Variants in PCM1 observed in about 807,000 individuals in gnomAD.
The protein encoded by PCM1 is pericentriolar material 1.
PCM1 carries 157 observed loss-of-function variants against 241.9 expected under a neutral mutation model. That is an observed-to-expected ratio of 0.65 (90% CI 0.57 to 0.74). The LOEUF is 0.74. Ranked by LOEUF, PCM1 falls within the 30% of genes least tolerant of loss-of-function variation. The pLI, the probability that PCM1 is intolerant of heterozygous loss-of-function variation, is 0.00. For synonymous variants in PCM1, 1,085 were observed against 784.9 expected, an observed-to-expected ratio of 1.38 and a Z score of -6.39; for missense variants, 3,478 against 2,360.1, an observed-to-expected ratio of 1.47 and a Z score of -9.81.
intron 1 of PCM1, among the ~76,000 whole-genome samples, chr8:17,924,072 G>T (rs2055811506): frequency 6.6e-6 from 1 of 151,922 alleles, no homozygotes; most frequent in Non-Finnish European, 1.5e-5. Flanking sequence ...TTTGGGCGCT[G>T]GAAGGAGCGG....
chr8:17,984,716 G>A (rs1457914129), intron 24 of PCM1, among the ~76,000 whole-genome samples: 1 of 151,754 alleles, frequency 6.6e-6, no homozygotes, highest in Admixed American at 6.6e-5. Flanking sequence ...ATTTTAAATG[G>A]ATACCTTTGA....
Position 18,028,535 on chromosome 8 carries a change from T to A in PCM1, c.*873T>A, listed in dbSNP as rs563721052. The A allele has an allele frequency of 4.9e-6, 1 of 203,224 alleles. No individual in the cohort carries two copies. Among genetic ancestry groups the A allele is most frequent in the Non-Finnish European group, 1.0e-5 (1 of 98,908 alleles). 12.6% of individuals were successfully genotyped at this position (203,224 alleles called of 1,614,324 possible). On this transcript the variant is annotated 3_prime_UTR_variant, in exon 39 of 39. Transcript: ENST00000325083. The stretch of plus-strand genomic sequence containing the variant: ...AGATTCTGTATGCCTTCAGATAAAC[T>A]TGCCTATTGAGATGGTAATTTAAAG...
intron 2 of PCM1, among the ~76,000 whole-genome samples, chr8:17,930,694 T>C (rs1046526022): frequency 6.6e-6 from 1 of 151,742 alleles, no homozygotes; most frequent in South Asian, 2.1e-4. Flanking sequence ...CTGGCTAACA[T>C]GGTGAAACCC....
chr8:17,994,176 A>G (rs575923322), intron 29 of PCM1, among the ~76,000 whole-genome samples: 1 of 152,160 alleles, frequency 6.6e-6, no homozygotes, highest in African/African-American at 2.4e-5. Flanking sequence ...CATCTTCCCT[A>G]TTCCCTACTA....
intron 1 of PCM1, among the ~76,000 whole-genome samples, chr8:17,923,677 G>A (rs193244809): frequency 1.3e-5 from 2 of 152,202 alleles, no homozygotes; most frequent in East Asian, 3.9e-4. Context: ...GAGGAGCGAC[G>A]CGACTCTGAA....
chr8:17,960,568 A>T (rs1563946076), intron 15 of PCM1, 124 bp downstream of exon 15: 2 of 608,736 alleles, frequency 3.3e-6, no homozygotes, highest in African/African-American at 2.4e-5. Context: ...TCTGTTGCCC[A>T]GGCTGAAGTG....
intron 6 of PCM1, among the ~76,000 whole-genome samples, chr8:17,942,787 A>G (rs971342317): frequency 6.6e-6 from 1 of 152,138 alleles, no homozygotes; most frequent in Non-Finnish European, 1.5e-5. Context: ...CGAGGTCAGG[A>G]GATCGAGACC....
At chr8:18,023,434 GA>G (rs1413391492) in intron 36 of PCM1, among the ~76,000 whole-genome samples, 7 of 152,046 alleles carry the variant, frequency 4.6e-5, no homozygotes, top group Non-Finnish European at 5.9e-5. Context: ...AGCAACCCTT[GA>G]AAAAAAGTTT....
intron 8 of PCM1, among the ~76,000 whole-genome samples, chr8:17,951,430 A>T (rs1304508757): frequency 6.6e-6 from 1 of 151,998 alleles, no homozygotes; most frequent in Non-Finnish European, 1.5e-5. Context: ...CTTTAGAGAA[A>T]CTCTCACATG....
chr8:18,018,850 G>GTATATATATA (rs1266240810), intron 36 of PCM1, among the ~76,000 whole-genome samples: 3 of 39,372 alleles, frequency 7.6e-5, no homozygotes, highest in African/African-American at 2.7e-4. Flanking sequence ...GTGTGTGTGT[G>GTATATATATA]TGTATATATA....
chr8:18,003,170 G>C (rs2090178624), intron 29 of PCM1, among the ~76,000 whole-genome samples: 2 of 152,194 alleles, frequency 1.3e-5, no homozygotes. Context: ...CATGACATCT[G>C]AGATGTTAAT....
In PCM1 at chr8:17,956,787, T is replaced by G; in HGVS notation, c.1646+10T>G. The G allele has an allele frequency of 6.3e-7, 1 of 1,596,966 alleles. No individual in the cohort carries two copies. ...CTGTTACTAACATTCGGTAAGAACT[T>G]TTCTGGGGATGTTTTTCCAGCATAT... On this transcript the variant is annotated intron_variant, in intron 11 of 38. Coordinates refer to ENST00000325083, the MANE Select transcript of PCM1 (RefSeq NM_006197.4).
rs757826314 is a variant in PCM1 at position 18,013,948 on chromosome 8, C to T, written c.5512-16C>T. ...TATATTTCAGGCCCTGCTATTAAAA[C>T]ATTTTTCCCTTCTAGGTCCTACAAC... is the stretch of plus-strand genomic sequence containing the variant. On this transcript the variant is annotated splice_polypyrimidine_tract_variant and intron_variant, in intron 34 of 38. Transcript: ENST00000325083. 6 of 1,551,712 alleles carry T rather than the reference C, an allele frequency of 3.9e-6. No homozygotes were observed. The East Asian group carries it at 1.1e-4, about 29-fold the overall frequency.
chr8:17,929,765 C>T (rs1440657976), intron 2 of PCM1, among the ~76,000 whole-genome samples: 1 of 152,152 alleles, frequency 6.6e-6, no homozygotes, highest in Admixed American at 6.5e-5. Context: ...TAGTACCAAA[C>T]TCTATGTGTA....
intron 23 of PCM1, among the ~76,000 whole-genome samples, chr8:17,977,749 T>G (rs147811904): frequency 3.7e-4 from 56 of 152,326 alleles, no homozygotes; most frequent in Non-Finnish European, 4.7e-4. Context: ...CTGAAGAGAC[T>G]AAGCAGTAGA....
intron 26 of PCM1, among the ~76,000 whole-genome samples, chr8:17,986,816 A>G (rs570084896): frequency 1.8e-4 from 27 of 151,838 alleles, no homozygotes; most frequent in Non-Finnish European, 5.9e-5. Flanking sequence ...TGACAACTCT[A>G]GCACCTAGAG....
At chr8:17,974,382 C>G (rs551148024) in intron 23 of PCM1, among the ~76,000 whole-genome samples, 4 of 152,186 alleles carry the variant, frequency 2.6e-5, no homozygotes, top group Non-Finnish European at 4.4e-5. Flanking sequence ...TTTTAAATTT[C>G]AGCATTGTCT....
chr8:18,019,781 T>C (rs1306721979), intron 36 of PCM1, among the ~76,000 whole-genome samples: 1 of 152,202 alleles, frequency 6.6e-6, no homozygotes, highest in African/African-American at 2.4e-5. Context: ...CACCTCCTGC[T>C]ATTTGGCCTG....
intron 7 of PCM1, among the ~76,000 whole-genome samples, chr8:17,948,343 T>C (rs1454420517): frequency 2.2e-5 from 3 of 135,196 alleles, no homozygotes; most frequent in African/African-American, 8.4e-5. Context: ...TTTGCTCTGT[T>C]GCCCAGGCTG....
Sources: gnomAD v4.1 joint callset for allele counts (sites outside exome capture counted in the v4.1 genomes callset) on GRCh38, gnomAD v4.1.1 for gene constraint, MANE v1.5 for transcripts, NCBI Gene and HGNC (gene_info 2026-07-23, HGNC 2026-07-21) for gene names.